The following RBPMS variants were observed in gnomAD, a reference collection of about 807,000 sequenced individuals.
The protein encoded by RBPMS is RNA binding protein, mRNA processing factor, also known as RNA-binding protein with multiple splicing.
Under a neutral mutation model 26.8 loss-of-function variants are expected in RBPMS, and 7 were observed. That is an observed-to-expected ratio of 0.26 (90% CI 0.15 to 0.49). The LOEUF (loss-of-function observed/expected upper bound fraction) is 0.49, where lower values mean the gene tolerates loss of function less well. Ranked by LOEUF, RBPMS falls within the 20% of genes least tolerant of loss-of-function variation. The pLI, the probability that RBPMS is intolerant of heterozygous loss-of-function variation, is 0.98. For synonymous variants in RBPMS, 96 were observed against 93.3 expected (o/e 1.03, Z -0.17); for missense variants, 186 against 250.0 (o/e 0.74, Z 1.73).
At chr8:30,408,101 T>G (rs1446854611) in intron 1 of RBPMS, among the ~76,000 whole-genome samples, 1 of 152,186 alleles carries the variant, frequency 6.6e-6, no homozygotes, top group Non-Finnish European at 1.5e-5. Flanking sequence ...GGCCTTGGGC[T>G]TACTCTTACC....
chr8:30,444,318 C>G (rs1813478894), intron 1 of RBPMS, among the ~76,000 whole-genome samples: 1 of 152,256 alleles, frequency 6.6e-6, no homozygotes, highest in Non-Finnish European at 1.5e-5. Context: ...GAATAATACA[C>G]TAAGCGGGAT....
In RBPMS at chr8:30,474,813, A is replaced by G; in HGVS notation, c.101A>G (p.Asp34Gly). 1 of 1,612,848 alleles carries G rather than the reference A, an allele frequency of 6.2e-7. No homozygotes were observed. The highest frequency in any genetic ancestry group is 8.5e-7 in the Non-Finnish European group (1 of 1,178,958). Residue 34 changes from aspartate (D) to glycine (G), a missense_variant, in exon 2 of 9, where the codon GAT becomes GGT. Coordinates refer to ENST00000397323, the MANE Select transcript of RBPMS (RefSeq NM_001008710.3). ...CTATTTGTCAGTGGCCTTCCTCTGG[A>G]TATCAAACCTCGGGAGCTCTATCTG... ...RTLFVSGLPL[D>G]IKPRELYLLF...
intron 6 of RBPMS, among the ~76,000 whole-genome samples, chr8:30,550,685 C>A (rs1331514620): frequency 6.6e-6 from 1 of 152,208 alleles, no homozygotes; most frequent in African/African-American, 2.4e-5. Context: ...CGATTGACAG[C>A]ACCTGCCCTG....
chr8:30,495,490 A>G (rs1343489605), intron 4 of RBPMS, among the ~76,000 whole-genome samples: 1 of 152,162 alleles, frequency 6.6e-6, no homozygotes, highest in African/African-American at 2.4e-5. Flanking sequence ...CAAGTGCAGT[A>G]TAGCTGTTTT....
intron 5 of RBPMS, 68 bp from the exon 6 acceptor site, chr8:30,544,426 G>A (rs1825693628): frequency 6.7e-7 from 1 of 1,501,946 alleles, no homozygotes; most frequent in Non-Finnish European, 9.2e-7. Context: ...GTTGTTGGGT[G>A]TTTTGTTTTC....
At chr8:30,512,008 G>A (rs554542914) in intron 5 of RBPMS, among the ~76,000 whole-genome samples, 1 of 152,042 alleles carries the variant, frequency 6.6e-6, no homozygotes, top group African/African-American at 2.4e-5. Context: ...CATAATATTG[G>A]GTTGGTTATT....
At chr8:30,494,836 G>A (rs943025074) in intron 4 of RBPMS, among the ~76,000 whole-genome samples, 2 of 152,110 alleles carry the variant, frequency 1.3e-5, no homozygotes, top group African/African-American at 4.8e-5. Context: ...GCAGACATGA[G>A]GTTTTCCCCA....
chr8:30,514,214 C>T (rs972005347), intron 5 of RBPMS, among the ~76,000 whole-genome samples: 4 of 152,086 alleles, frequency 2.6e-5, no homozygotes, highest in Non-Finnish European at 1.5e-5. Flanking sequence ...TAAAAATTAA[C>T]GTTATTTAAC....
intron 1 of RBPMS, chr8:30,387,117 A>G (rs1235013162): frequency 1.3e-5 from 2 of 152,052 alleles, no homozygotes; most frequent in East Asian, 1.9e-4. Context: ...GTTCCTTTTC[A>G]GGTAGGAATG....
chr8:30,460,817 G>A (rs1283284057), intron 1 of RBPMS, among the ~76,000 whole-genome samples: 1 of 152,184 alleles, frequency 6.6e-6, no homozygotes, highest in East Asian at 1.9e-4. Flanking sequence ...AGCACTTTGG[G>A]AGGCTGAGGT....
intron 1 of RBPMS, among the ~76,000 whole-genome samples, chr8:30,414,232 T>C (rs1174965301): frequency 6.6e-6 from 1 of 152,074 alleles, no homozygotes; most frequent in Non-Finnish European, 1.5e-5. Flanking sequence ...CCAGGGCAGA[T>C]AGCTTGTAAG....
At chr8:30,458,315 T>C (rs952627847) in intron 1 of RBPMS, among the ~76,000 whole-genome samples, 1 of 152,220 alleles carries the variant, frequency 6.6e-6, no homozygotes, top group Non-Finnish European at 1.5e-5. Flanking sequence ...TGGGTCCTAC[T>C]TAGTCTCTCT....
At chr8:30,536,231 C>T (rs748006420) in intron 5 of RBPMS, among the ~76,000 whole-genome samples, 1 of 151,850 alleles carries the variant, frequency 6.6e-6, no homozygotes, top group Non-Finnish European at 1.5e-5. Context: ...AGGTTCAAGC[C>T]ATTCTCCTGC....
At chr8:30,411,717 C>T (rs1809452331) in intron 1 of RBPMS, among the ~76,000 whole-genome samples, 1 of 149,514 alleles carries the variant, frequency 6.7e-6, no homozygotes, top group Admixed American at 6.7e-5. Context: ...GGCACAGTGG[C>T]TTATGCCTGT....
chr8:30,528,288 T>C (rs903509185), intron 5 of RBPMS, among the ~76,000 whole-genome samples: 1 of 152,178 alleles, frequency 6.6e-6, no homozygotes, highest in Non-Finnish European at 1.5e-5. Flanking sequence ...TCAAGCAGTC[T>C]CTGCAATAGG....
chr8:30,446,318 A>C (rs1813757185), intron 1 of RBPMS, among the ~76,000 whole-genome samples: 4 of 152,244 alleles, frequency 2.6e-5, no homozygotes, highest in Admixed American at 2.0e-4. Context: ...ATTGCCTTTA[A>C]TGTAAGAATG....
chr8:30,527,967 G>A (rs1823770794), intron 5 of RBPMS, among the ~76,000 whole-genome samples: 1 of 152,178 alleles, frequency 6.6e-6, no homozygotes, highest in African/African-American at 2.4e-5. Context: ...CCTGAGGTCA[G>A]AAGTTCAAGA....
intron 5 of RBPMS, among the ~76,000 whole-genome samples, chr8:30,536,458 T>C (rs1824811214): frequency 6.6e-6 from 1 of 152,114 alleles, no homozygotes; most frequent in African/African-American, 2.4e-5. Flanking sequence ...TAGATAGAGA[T>C]GTACCCAAGC....
At chr8:30,549,793 T>TCTCC (rs1826177438) in intron 6 of RBPMS, among the ~76,000 whole-genome samples, 2 of 109,364 alleles carry the variant, frequency 1.8e-5, no homozygotes, top group South Asian at 2.7e-4. Flanking sequence ...TCTCTCTCTC[T>TCTCC]CTCCCCTCTC....
Sources: allele counts gnomAD v4.1 joint callset (sites outside exome capture counted in the v4.1 genomes callset), GRCh38; gene constraint gnomAD v4.1.1; transcripts MANE v1.5; gene names NCBI Gene and HGNC (gene_info 2026-07-23, HGNC 2026-07-21).